THRB: variants seen among roughly 807,000 people sequenced by gnomAD.
THRB encodes the protein thyroid hormone receptor beta.
In THRB, 12 loss-of-function variants were observed where a neutral mutation model predicts 47.8. The observed-to-expected ratio is 0.25, with a 90% CI of 0.16 to 0.41. The LOEUF (loss-of-function observed/expected upper bound fraction) is 0.41. Ranked by LOEUF, THRB falls within the 10% of genes least tolerant of loss-of-function variation. The probability of loss-of-function intolerance (pLI) is 1.00; values close to 1 mark genes in which losing one functional copy is unlikely to be tolerated. For missense variants in THRB, 348 were observed against 589.2 expected (o/e 0.59, Z 4.24); for synonymous variants, 218 against 212.2 (o/e 1.03, Z -0.24).
chr3:24,307,731 T>C (rs1054991207), intron 2 of THRB, among the ~76,000 whole-genome samples: 2 of 152,330 alleles, frequency 1.3e-5, no homozygotes, highest in Admixed American at 6.5e-5. Flanking sequence ...ACTATTGATA[T>C]GACTGCAAAT....
At chr3:24,467,277 C>G (rs927037184) in intron 1 of THRB, among the ~76,000 whole-genome samples, 5 of 152,238 alleles carry the variant, frequency 3.3e-5, no homozygotes, top group African/African-American at 1.2e-4. Context: ...TCCATAGCAT[C>G]TGCAGTTACT....
intron 10 of THRB, among the ~76,000 whole-genome samples, chr3:24,127,120 G>A (rs932678197): frequency 1.3e-5 from 2 of 152,118 alleles, no homozygotes; most frequent in Non-Finnish European, 2.9e-5. Context: ...CTGCATCCGC[G>A]GTTTCCACAC....
chr3:24,333,807 G>C (rs2062071159), intron 2 of THRB, among the ~76,000 whole-genome samples: 1 of 152,220 alleles, frequency 6.6e-6, no homozygotes, highest in South Asian at 2.1e-4. Flanking sequence ...CACTCAAATA[G>C]TAGACATTTT....
At chr3:24,279,197 C>T (rs2054259417) in intron 3 of THRB, among the ~76,000 whole-genome samples, 2 of 152,170 alleles carry the variant, frequency 1.3e-5, no homozygotes, top group Non-Finnish European at 2.9e-5. Flanking sequence ...TACTTCGATT[C>T]CATAAATGGA....
At chr3:24,266,531 T>G (rs2052666996) in intron 3 of THRB, among the ~76,000 whole-genome samples, 1 of 152,158 alleles carries the variant, frequency 6.6e-6, no homozygotes, top group South Asian at 2.1e-4. Flanking sequence ...CATGAAACCT[T>G]GGCAGAGGCA....
Position 24,229,012 on chromosome 3 carries a change from A to AC in THRB, c.-42-12_-42-11insG, listed in dbSNP as rs1367317087. On this transcript the variant is annotated splice_polypyrimidine_tract_variant and intron_variant, in intron 3 of 10. Coordinates refer to ENST00000646209, the MANE Select transcript of THRB (RefSeq NM_001354712.2). ...TTTCACTGACATCTCCTACAAGGAA[A>AC]AAATACAAAAAAAATCACAGATTAT... 60 of 1,445,240 alleles carry AC rather than the reference A, an allele frequency of 4.2e-5. No individual in the cohort carries two copies. Among genetic ancestry groups the AC allele is most frequent in the Non-Finnish European group, 5.5e-5 (57 of 1,027,714 alleles). The allele number at this position is 1,445,240 out of a possible 1,614,324, so 89.5% of individuals were successfully genotyped here.
At chr3:24,204,956 A>C (rs1037207387) in intron 4 of THRB, among the ~76,000 whole-genome samples, 7 of 152,192 alleles carry the variant, frequency 4.6e-5, no homozygotes, top group African/African-American at 9.7e-5. Flanking sequence ...TTAGAGAAAA[A>C]AGAGTAAAAA....
rs145785307 is a variant in THRB, at chr3:24,232,102, G to A, written c.-42-3101C>T. ...GATCCAGTGAGGGTCTGTGTACCAC[G>A]GCCCTTCAAAGTCGATGGTCCTTTA... On this transcript the variant is annotated intron_variant, in intron 3 of 10. Transcript: ENST00000646209. 2.0e-3 allele frequency among the ~76,000 whole-genome samples: 297 copies of A among 152,280 alleles called. 2 individuals carry two copies. The highest frequency in any genetic ancestry group is 6.8e-3 in the African/African-American group (284 of 41,572).
At chr3:24,443,611 C>T (rs2071765318) in intron 1 of THRB, among the ~76,000 whole-genome samples, 1 of 152,012 alleles carries the variant, frequency 6.6e-6, no homozygotes, top group African/African-American at 2.4e-5. Flanking sequence ...TTCATCAGGG[C>T]CAAGTAGGCT....
At chr3:24,316,593 TC>T (rs1333873336) in intron 2 of THRB, among the ~76,000 whole-genome samples, 10 of 152,110 alleles carry the variant, frequency 6.6e-5, no homozygotes, top group Non-Finnish European at 1.2e-4. Flanking sequence ...CAAATTTTCA[TC>T]CTCTCTTGAA....
intron 3 of THRB, among the ~76,000 whole-genome samples, chr3:24,266,888 CAG>C (rs2052718056): frequency 6.6e-6 from 1 of 150,746 alleles, no homozygotes; most frequent in Non-Finnish European, 1.5e-5. Flanking sequence ...GAGAGGAAGA[CAG>C]AAAAGGAGGA....
At chr3:24,335,910 T>C (rs1334629070) in intron 2 of THRB, among the ~76,000 whole-genome samples, 1 of 152,148 alleles carries the variant, frequency 6.6e-6, no homozygotes, top group South Asian at 2.1e-4. Flanking sequence ...ACCTCTGAGG[T>C]CACCTTGATT....
rs568949541 is a variant in THRB at position 24,136,301 on chromosome 3, A to G, written c.739-2839T>C. Among the ~76,000 whole-genome samples, 15 of 152,312 alleles carry G rather than the reference A, an allele frequency of 9.8e-5. No individual in the cohort carries two copies. In the South Asian group the frequency reaches 1.5e-3, roughly 15 times the overall value. ...AAAATTGCTAGAAGTAAAACTATGA[A>G]CAAAGTAAAACCCTTTGATTTTATC... On this transcript the variant is annotated intron_variant, in intron 8 of 10. Coordinates refer to ENST00000646209, the MANE Select transcript of THRB (RefSeq NM_001354712.2).
chr3:24,491,823 T>A (rs6803476), intron 1 of THRB, among the ~76,000 whole-genome samples: 19,093 of 152,256 alleles, frequency 0.13, 1,387 homozygotes, highest in Admixed American at 0.2. Context: ...TCTGCTGAAA[T>A]TCAGGGAGTT....
At chr3:24,448,863 A>G (rs2072358790) in intron 1 of THRB, among the ~76,000 whole-genome samples, 1 of 152,234 alleles carries the variant, frequency 6.6e-6, no homozygotes, top group African/African-American at 2.4e-5. Flanking sequence ...AGCAGATGAC[A>G]GGGAAGGACT....
At chr3:24,397,106 T>C (rs1302095889) in intron 1 of THRB, among the ~76,000 whole-genome samples, 2 of 152,078 alleles carry the variant, frequency 1.3e-5, no homozygotes, top group Non-Finnish European at 2.9e-5. Flanking sequence ...TTAAATTCAG[T>C]TTAGTGACAT....
At chr3:24,322,183 C>T (rs2058529559) in intron 2 of THRB, among the ~76,000 whole-genome samples, 1 of 152,030 alleles carries the variant, frequency 6.6e-6, no homozygotes, top group South Asian at 2.1e-4. Flanking sequence ...TGAATTTTTA[C>T]AAAATATTGA....
intron 1 of THRB, among the ~76,000 whole-genome samples, chr3:24,450,434 A>T (rs1160375769): frequency 1.3e-5 from 2 of 152,218 alleles, no homozygotes; most frequent in Non-Finnish European, 2.9e-5. Flanking sequence ...AAGAAACCTC[A>T]TTACAAAAAG....
intron 5 of THRB, among the ~76,000 whole-genome samples, chr3:24,172,075 A>G (rs1023648024): frequency 6.6e-6 from 1 of 152,232 alleles, no homozygotes; most frequent in Admixed American, 6.5e-5. Context: ...ATGACTTTGT[A>G]TAACAGCATT....
Sources: gnomAD v4.1 joint callset for allele counts (sites outside exome capture counted in the v4.1 genomes callset) on GRCh38, gnomAD v4.1.1 for gene constraint, MANE v1.5 for transcripts, NCBI Gene and HGNC (gene_info 2026-07-23, HGNC 2026-07-21) for gene names.